The following TRMT11 variants were observed in gnomAD, a reference collection of about 807,000 sequenced individuals.
The protein encoded by TRMT11 is tRNA methyltransferase 11.
A neutral mutation model predicts 62.8 loss-of-function variants in TRMT11; 53 were observed. The ratio of observed to expected loss-of-function variants is 0.84; its 90% CI spans 0.68 to 1.06. The LOEUF is 1.06. TRMT11 is among the 50% of genes least tolerant of loss of function. The probability of loss-of-function intolerance (pLI) is 0.00; values close to 1 mark genes in which losing one functional copy is unlikely to be tolerated. For missense variants in TRMT11, 556 were observed against 553.4 expected (o/e 1.00, Z -0.05); for synonymous variants, 188 against 190.3 (o/e 0.99, Z 0.10).
intron 16 of TRMT11, among the ~76,000 whole-genome samples, chr6:126,045,801 G>C (rs183765676): frequency 5.3e-5 from 8 of 152,230 alleles, no homozygotes; most frequent in East Asian, 1.9e-4. Flanking sequence ...GGCACATCAT[G>C]GTTGTTAAGG....
chr6:126,001,050 G>A (rs7770789), intron 7 of TRMT11, among the ~76,000 whole-genome samples: 8 of 152,168 alleles, frequency 5.3e-5, no homozygotes, highest in African/African-American at 1.9e-4. Context: ...TGCATCATTT[G>A]AAAGTTGTAT....
chr6:126,030,724 C>A (rs1774040522), intron 12 of TRMT11, among the ~76,000 whole-genome samples: 1 of 152,094 alleles, frequency 6.6e-6, no homozygotes, highest in Admixed American at 6.6e-5. Context: ...ATATCATTAT[C>A]AGGAACTGTC....
intron 17 of TRMT11, among the ~76,000 whole-genome samples, chr6:126,070,044 T>G (rs1776807932): frequency 6.6e-6 from 1 of 152,132 alleles, no homozygotes; most frequent in Non-Finnish European, 1.5e-5. Context: ...TGAATCAAAA[T>G]AAAACCAAAC....
chr6:126,160,626 G>T (rs1472190508), intron 21 of TRMT11, among the ~76,000 whole-genome samples: 2 of 151,890 alleles, frequency 1.3e-5, no homozygotes, highest in Admixed American at 1.3e-4. Flanking sequence ...TCTTGCCAGG[G>T]GTCTCTTTAG....
chr6:126,244,824 G>C, the TRMT11 span, among the ~76,000 whole-genome samples: 511 of 152,272 alleles, frequency 3.4e-3, 1 homozygote, highest in Middle Eastern at 0.014. Flanking sequence ...TAAAAACGTG[G>C]GTTTTGGTAT....
At chr6:126,059,960 C>T (rs1336280154) in intron 17 of TRMT11, among the ~76,000 whole-genome samples, 2 of 152,138 alleles carry the variant, frequency 1.3e-5, no homozygotes, top group Non-Finnish European at 1.5e-5. Context: ...TGAGGAAATA[C>T]TCAGAAAATT....
chr6:126,207,099 C>T (rs1010412867), downstream of TRMT11, among the ~76,000 whole-genome samples: 9 of 152,144 alleles, frequency 5.9e-5, no homozygotes, highest in East Asian at 1.9e-4. Context: ...CTCTCCACTT[C>T]GAATTGAATG....
rs746780383 is a variant in TRMT11, at chr6:126,038,869, G to T, written c.*33G>T. The T allele has an allele frequency of 1.9e-6, 3 of 1,557,364 alleles. No homozygotes were observed. Among genetic ancestry groups the T allele is most frequent in the Non-Finnish European group, 2.6e-6 (3 of 1,153,476 alleles). On this transcript the variant is annotated 3_prime_UTR_variant, in exon 13 of 13. Transcript: ENST00000334379. ...GATTTTGACAATGAAGAAAGAATAA[G>T]AATTTGATTTAAAAAGACATCTGGA...
chr6:126,058,031 C>T (rs1029000198), intron 17 of TRMT11, among the ~76,000 whole-genome samples: 6 of 151,668 alleles, frequency 4.0e-5, no homozygotes, highest in African/African-American at 1.2e-4. Flanking sequence ...TAGGTATACA[C>T]ATGCCATGGT....
intron 8 of TRMT11, 103 bp downstream of exon 8, chr6:126,008,575 G>T: frequency 1.0e-6 from 1 of 957,292 alleles, no homozygotes; most frequent in East Asian, 2.4e-5. Flanking sequence ...AATTGCACAG[G>T]TCCACTTATA....
At chr6:126,014,049 A>T (rs982601258) in intron 11 of TRMT11, among the ~76,000 whole-genome samples, 1 of 152,200 alleles carries the variant, frequency 6.6e-6, no homozygotes, top group African/African-American at 2.4e-5. Flanking sequence ...TATGTTCAGC[A>T]TTATTGCTTT....
chr6:126,038,687 T>C lies in TRMT11; in HGVS notation c.1261-18T>C. The C allele has an allele frequency of 6.5e-7, 1 of 1,540,706 alleles. No homozygotes were observed. Among genetic ancestry groups the C allele is most frequent in the Non-Finnish European group, 8.7e-7 (1 of 1,151,440 alleles). Reference sequence around the variant, plus strand: ...CTAAAGAAATAATTTTTACATTTTGTATTTTCCAACCAAACAGAATCGGGA... The same window carrying C: ...CTAAAGAAATAATTTTTACATTTTGCATTTTCCAACCAAACAGAATCGGGA... On this transcript the variant is annotated intron_variant, in intron 12 of 12. Coordinates refer to ENST00000334379, the MANE Select transcript of TRMT11 (RefSeq NM_001031712.3).
At chr6:126,190,077 T>A (rs1778578994) in intron 1 of TRMT11, among the ~76,000 whole-genome samples, 1 of 152,214 alleles carries the variant, frequency 6.6e-6, no homozygotes, top group Non-Finnish European at 1.5e-5. Flanking sequence ...TTCTTCTTTT[T>A]TAGCTATTTT....
At chr6:125,998,375 T>A in intron 5 of TRMT11, 60 bp downstream of exon 5, 1 of 1,289,448 alleles carries the variant, frequency 7.8e-7, no homozygotes, top group East Asian at 2.3e-5. Flanking sequence ...CCATTGTTGA[T>A]ATATAGGAAT....
the TRMT11 span, among the ~76,000 whole-genome samples, chr6:126,254,842 CTT>C: frequency 2.0e-5 from 3 of 151,988 alleles, no homozygotes; most frequent in East Asian, 5.8e-4. Context: ...TGTAAAATCT[CTT>C]TATTTCTATG....
At chr6:126,173,960 C>T (rs1369414150), upstream of TRMT11, among the ~76,000 whole-genome samples, 1 of 152,148 alleles carries the variant, frequency 6.6e-6, no homozygotes, top group Non-Finnish European at 1.5e-5. Flanking sequence ...GCTATTCCTT[C>T]TCAACAGATA....
intron 12 of TRMT11, among the ~76,000 whole-genome samples, chr6:126,031,783 G>A (rs978556205): frequency 6.6e-6 from 1 of 152,134 alleles, no homozygotes; most frequent in African/African-American, 2.4e-5. Context: ...AGCCCATAGG[G>A]ATGTTTGGAG....
chr6:126,086,537 C>T (rs1777218570), intron 17 of TRMT11, among the ~76,000 whole-genome samples: 1 of 152,164 alleles, frequency 6.6e-6, no homozygotes, highest in African/African-American at 2.4e-5. Context: ...ATTTCTCAAG[C>T]AGATTGCTGT....
chr6:126,270,866 T>G, the TRMT11 span, among the ~76,000 whole-genome samples: 1 of 152,206 alleles, frequency 6.6e-6, no homozygotes, highest in Admixed American at 6.5e-5. Flanking sequence ...ACCCTTTCTA[T>G]GATTTTGTGA....
Sources: gnomAD v4.1 joint callset for allele counts (sites outside exome capture counted in the v4.1 genomes callset) on GRCh38, gnomAD v4.1.1 for gene constraint, MANE v1.5 for transcripts, NCBI Gene and HGNC (gene_info 2026-07-23, HGNC 2026-07-21) for gene names.